RIMS4: variants seen among roughly 807,000 people sequenced by gnomAD.
RIMS4 encodes the protein regulating synaptic membrane exocytosis 4.
In RIMS4, 9 loss-of-function variants were observed where a neutral mutation model predicts 29.0. That is an observed-to-expected ratio of 0.31 (90% CI 0.19 to 0.54). The LOEUF is 0.54. Ranked by LOEUF, RIMS4 falls within the 20% of genes least tolerant of loss-of-function variation. The pLI, the probability that RIMS4 is intolerant of heterozygous loss-of-function variation, is 0.94. For synonymous variants in RIMS4, 130 were observed against 152.9 expected (o/e 0.85, Z 1.10); for missense variants, 193 against 365.7 (o/e 0.53, Z 3.85).
chr20:44,776,372 C>T (rs2066160277), intron 1 of RIMS4, among the ~76,000 whole-genome samples: 1 of 152,134 alleles, frequency 6.6e-6, no homozygotes, highest in Non-Finnish European at 1.5e-5. Flanking sequence ...TTTCTGACTC[C>T]CTCCCCATCA....
chr20:44,773,458 C>T (rs2066145637), intron 1 of RIMS4, among the ~76,000 whole-genome samples: 1 of 152,110 alleles, frequency 6.6e-6, no homozygotes, highest in South Asian at 2.1e-4. Context: ...CAGCACTGTA[C>T]ATATGTCCCT....
At chr20:44,803,536 T>C (rs1399536631) in intron 1 of RIMS4, among the ~76,000 whole-genome samples, 1 of 152,100 alleles carries the variant, frequency 6.6e-6, no homozygotes, top group East Asian at 1.9e-4. Context: ...CACAGTCATC[T>C]CACTCCCCCG....
chr20:44,792,268 A>G (rs2066236043), intron 1 of RIMS4, among the ~76,000 whole-genome samples: 1 of 151,938 alleles, frequency 6.6e-6, no homozygotes. Flanking sequence ...AGTGTCAGGC[A>G]GGTCAGTGTT....
chr20:44,771,885 A>C (rs1403391426), intron 1 of RIMS4, among the ~76,000 whole-genome samples: 1 of 152,056 alleles, frequency 6.6e-6, no homozygotes, highest in African/African-American at 2.4e-5. Context: ...TGCCCACTAG[A>C]TACTAATAGC....
chr20:44,792,389 T>C (rs1568904893), intron 1 of RIMS4, among the ~76,000 whole-genome samples: 1 of 151,974 alleles, frequency 6.6e-6, no homozygotes, highest in Non-Finnish European at 1.5e-5. Context: ...ACCTCCTAGA[T>C]TCAAGTGATT....
At chr20:44,775,179 C>CG (rs1423214113) in intron 1 of RIMS4, among the ~76,000 whole-genome samples, 5 of 152,124 alleles carry the variant, frequency 3.3e-5, no homozygotes, top group Non-Finnish European at 7.4e-5. Context: ...AACACACTGA[C>CG]GGGAGCCAGG....
chr20:44,770,604 G>A (rs558381437), intron 2 of RIMS4, among the ~76,000 whole-genome samples: 2 of 152,156 alleles, frequency 1.3e-5, no homozygotes, highest in African/African-American at 4.8e-5. Flanking sequence ...CACTCCCAGA[G>A]ACTAAGTCAG....
intron 2 of RIMS4, among the ~76,000 whole-genome samples, chr20:44,771,022 G>A (rs1184518752): frequency 6.6e-6 from 1 of 152,204 alleles, no homozygotes; most frequent in Non-Finnish European, 1.5e-5. Flanking sequence ...GTGGCTTAGA[G>A]ACCTTGCCCA....
chr20:44,781,462 G>T (rs1272694063), intron 1 of RIMS4, among the ~76,000 whole-genome samples: 4 of 152,172 alleles, frequency 2.6e-5, no homozygotes, highest in Non-Finnish European at 5.9e-5. Context: ...AAAATCAGAA[G>T]ATTTCATTGT....
intron 1 of RIMS4, among the ~76,000 whole-genome samples, chr20:44,800,772 A>G (rs1568907387): frequency 6.6e-6 from 1 of 152,090 alleles, no homozygotes; most frequent in Non-Finnish European, 1.5e-5. Context: ...AAGAGTCAAA[A>G]AGTGGGTGTA....
rs2066057474 is a variant in RIMS4, at chr20:44,755,912, A to G, written c.*222T>C. 3.8e-6 allele frequency: 2 copies of G among 532,726 alleles called. No individual in the cohort carries two copies. The highest frequency in any genetic ancestry group is 6.7e-6 in the Non-Finnish European group (2 of 297,968). 33.0% of individuals were successfully genotyped at this position (532,726 alleles called of 1,614,324 possible). ...CATCCACCAGGTCAAGAACCGGCCA[A>G]GTCAAAAGTGTAGCCAATCCCGTTG... On this transcript the variant is annotated 3_prime_UTR_variant, in exon 6 of 6. Transcript: ENST00000372851.
intron 2 of RIMS4, among the ~76,000 whole-genome samples, chr20:44,762,046 G>T (rs758693876): frequency 6.6e-6 from 1 of 152,158 alleles, no homozygotes; most frequent in Non-Finnish European, 1.5e-5. Flanking sequence ...GGGAGTGGGG[G>T]ATGGTTTTGG....
At chr20:44,792,444 C>T (rs1328316011) in intron 1 of RIMS4, among the ~76,000 whole-genome samples, 1 of 152,002 alleles carries the variant, frequency 6.6e-6, no homozygotes, top group African/African-American at 2.4e-5. Context: ...AGGCATGTGC[C>T]ACCATGCACA....
rs2066048579 is a variant in RIMS4 at position 44,754,292 on chromosome 20, C to G, written c.*1842G>C. On this transcript the variant is annotated 3_prime_UTR_variant, in exon 6 of 6. Transcript: ENST00000372851. ...CCTTCCCAGTGCAGGGTAAGCAGCT[C>G]TGTGGAGGTGATATACATTGACCAG... 1 of 154,478 alleles carries G rather than the reference C, an allele frequency of 6.5e-6. No individual in the cohort carries two copies. Among genetic ancestry groups the G allele is most frequent in the African/African-American group, 2.4e-5 (1 of 41,452 alleles). The allele number at this position is 154,478 out of a possible 1,614,324, so 9.6% of individuals were successfully genotyped here.
chr20:44,757,958 C>T (rs929223429), intron 3 of RIMS4, 114 bp downstream of exon 3: 22 of 962,170 alleles, frequency 2.3e-5, no homozygotes, highest in East Asian at 9.7e-5. Context: ...GGGCTCTAGG[C>T]GGCATGCGCA....
intron 1 of RIMS4, among the ~76,000 whole-genome samples, chr20:44,774,717 C>T (rs1389416599): frequency 1.3e-5 from 2 of 152,182 alleles, no homozygotes; most frequent in East Asian, 3.9e-4. Context: ...TAGTCACCAT[C>T]CTGACCTTTC....
chr20:44,776,850 T>C lies in RIMS4; in HGVS notation c.98-5437A>G, dbSNP rs768250209. Among the ~76,000 whole-genome samples the C allele has an allele frequency of 2.0e-5, 3 of 152,166 alleles. No homozygotes were observed. In the South Asian group the frequency reaches 6.2e-4, roughly 31 times the overall value. On this transcript the variant is annotated intron_variant, in intron 1 of 5. Transcript: ENST00000372851. ...CCATGAGATAGCTACTGCCCCCCTTTACAGAGAAAGAAAATGAGGATCGAG... is the reference window on the plus strand; with the variant it reads ...CCATGAGATAGCTACTGCCCCCCTTCACAGAGAAAGAAAATGAGGATCGAG...
At chr20:44,786,602 G>A (rs2066209850) in intron 1 of RIMS4, among the ~76,000 whole-genome samples, 1 of 152,196 alleles carries the variant, frequency 6.6e-6, no homozygotes, top group South Asian at 2.1e-4. Flanking sequence ...AAACAGGATG[G>A]CAGCATAATT....
At chr20:44,775,337 G>A (rs2066155232) in intron 1 of RIMS4, among the ~76,000 whole-genome samples, 1 of 152,144 alleles carries the variant, frequency 6.6e-6, no homozygotes, top group African/African-American at 2.4e-5. Context: ...GCTATGTGCT[G>A]TGGCTTCCCA....
Sources: gnomAD v4.1 joint callset for allele counts (sites outside exome capture counted in the v4.1 genomes callset) on GRCh38, gnomAD v4.1.1 for gene constraint, MANE v1.5 for transcripts, NCBI Gene and HGNC (gene_info 2026-07-23, HGNC 2026-07-21) for gene names.